The following FAM117A variants were observed in gnomAD, a reference collection of about 807,000 sequenced individuals.
The protein encoded by FAM117A is family with sequence similarity 117 member A, also known as protein FAM117A.
A neutral mutation model predicts 44.1 loss-of-function variants in FAM117A; 21 were observed. The observed-to-expected ratio is 0.48, with a 90% CI of 0.34 to 0.69. The LOEUF (loss-of-function observed/expected upper bound fraction) is 0.69. FAM117A is among the 30% of genes least tolerant of loss of function. The pLI, the probability that FAM117A is intolerant of heterozygous loss-of-function variation, is 0.01. For missense variants in FAM117A, 498 were observed against 589.9 expected, an observed-to-expected ratio of 0.84 and a Z score of 1.61; for synonymous variants, 220 against 238.3, an observed-to-expected ratio of 0.92 and a Z score of 0.71.
chr17:49,711,636 G>T, intron 7 of FAM117A, 81 bp from the exon 8 acceptor site: 2 of 1,349,606 alleles, frequency 1.5e-6, no homozygotes, highest in Non-Finnish European at 1.0e-6. Context: ...AGATGTCACA[G>T]CATCAAGGCA....
chr17:49,780,245 C>G (rs1205479941), intron 1 of FAM117A, among the ~76,000 whole-genome samples: 1 of 152,162 alleles, frequency 6.6e-6, no homozygotes, highest in Non-Finnish European at 1.5e-5. Context: ...TAAAAAGACC[C>G]ACATTTTACA....
intron 1 of FAM117A, among the ~76,000 whole-genome samples, chr17:49,752,381 G>T (rs1390961079): frequency 6.6e-6 from 1 of 152,178 alleles, no homozygotes; most frequent in Non-Finnish European, 1.5e-5. Flanking sequence ...CCCACTAGAA[G>T]TAGGGGGATG....
At chr17:49,741,939 C>T (rs2143753770) in intron 1 of FAM117A, among the ~76,000 whole-genome samples, 1 of 152,180 alleles carries the variant, frequency 6.6e-6, no homozygotes, top group African/African-American at 2.4e-5. Flanking sequence ...AGAAGCCCTC[C>T]TTGGAAAGCC....
intron 2 of FAM117A, among the ~76,000 whole-genome samples, chr17:49,723,296 G>A (rs896812035): frequency 7.2e-5 from 11 of 151,896 alleles, no homozygotes; most frequent in Non-Finnish European, 1.3e-4. Context: ...TTTTCCTCCC[G>A]GGCCTGCCCA....
chr17:49,757,222 G>A (rs1259971144), intron 1 of FAM117A, among the ~76,000 whole-genome samples: 1 of 152,102 alleles, frequency 6.6e-6, no homozygotes, highest in African/African-American at 2.4e-5. Flanking sequence ...GGGGGCTCCT[G>A]AGCAAATCCA....
intron 1 of FAM117A, among the ~76,000 whole-genome samples, chr17:49,777,209 G>A (rs1222811014): frequency 6.6e-6 from 1 of 152,290 alleles, no homozygotes; most frequent in Non-Finnish European, 1.5e-5. Flanking sequence ...TCAGGGTAGG[G>A]GTGGGGGAAT....
At chr17:49,781,805 C>T (rs967524416) in intron 1 of FAM117A, among the ~76,000 whole-genome samples, 9 of 151,824 alleles carry the variant, frequency 5.9e-5, no homozygotes, top group African/African-American at 7.3e-5. Context: ...AGTGAGACCC[C>T]GATCTCTACA....
intron 1 of FAM117A, 85 bp from the exon 2 acceptor site, chr17:49,732,805 G>T: frequency 7.0e-7 from 1 of 1,424,478 alleles, no homozygotes; most frequent in Non-Finnish European, 9.6e-7. Flanking sequence ...AAGAGATGTG[G>T]CCTGCCTGCC....
At chr17:49,712,000 G>A (rs1237837120) in intron 7 of FAM117A, among the ~76,000 whole-genome samples, 2 of 152,190 alleles carry the variant, frequency 1.3e-5, no homozygotes, top group Admixed American at 6.5e-5. Flanking sequence ...CAAAAAATTA[G>A]CCGGGTGTGG....
chr17:49,733,923 A>T (rs1381770204), intron 1 of FAM117A, among the ~76,000 whole-genome samples: 1 of 151,860 alleles, frequency 6.6e-6, no homozygotes, highest in Middle Eastern at 3.2e-3. Context: ...CAGGTGGATC[A>T]TGAGATCAGG....
intron 1 of FAM117A, 54 bp downstream of exon 1, chr17:49,763,827 CGCGGTCACGCG>C: frequency 6.5e-6 from 4 of 619,894 alleles, no homozygotes; most frequent in Non-Finnish European, 8.8e-6. Flanking sequence ...GTCCCCCTCC[CGCGGTCACGCG>C]CCCCCCCTCC....
upstream of FAM117A, among the ~76,000 whole-genome samples, chr17:49,766,556 T>G (rs1309112528): frequency 6.6e-6 from 1 of 152,244 alleles, no homozygotes; most frequent in Non-Finnish European, 1.5e-5. Context: ...TCTAGATCAT[T>G]GGTCCTGCCT....
At chr17:49,760,977 T>C (rs1001225950) in intron 1 of FAM117A, among the ~76,000 whole-genome samples, 5 of 152,250 alleles carry the variant, frequency 3.3e-5, no homozygotes, top group African/African-American at 7.2e-5. Flanking sequence ...TTCATAAAAA[T>C]GAAGCCATTC....
At chr17:49,720,101 G>A in intron 4 of FAM117A, 1 of 711,790 alleles carries the variant, frequency 1.4e-6, no homozygotes. Flanking sequence ...GTGCTGTAGA[G>A]TCATTGCCTC....
chr17:49,761,857 A>G (rs1430193014), intron 1 of FAM117A, among the ~76,000 whole-genome samples: 3 of 152,236 alleles, frequency 2.0e-5, no homozygotes, highest in South Asian at 2.1e-4. Context: ...CTCTCCTGCC[A>G]TACTGAAAAT....
At chr17:49,747,677 A>C in intron 1 of FAM117A, among the ~76,000 whole-genome samples, 1 of 152,154 alleles carries the variant, frequency 6.6e-6, no homozygotes, top group African/African-American at 2.4e-5. Flanking sequence ...TCATGCCCCC[A>C]GCTTCAAAAA....
intron 1 of FAM117A, among the ~76,000 whole-genome samples, chr17:49,760,917 C>G (rs1043266601): frequency 7.2e-5 from 11 of 152,188 alleles, no homozygotes; most frequent in African/African-American, 2.7e-4. Context: ...TTAGAGTTAT[C>G]TTTCATTTTT....
In FAM117A at chr17:49,763,950, G is replaced by A; in HGVS notation, c.138C>T (p.Ala46=). Residue 46 remains alanine (A), a synonymous_variant, in exon 1 of 8, where the codon GCC becomes GCT. Transcript: ENST00000240364. ...GCTGCTGCAGCTGGAAGGGGATCGT[G>A]GCCCTGAGCGGCTGCAGCCCAGCCC... The part of the protein sequence containing the change: ...SPRAGLQPLR[A]TIPFQLQQPH... The A allele has an allele frequency of 8.1e-7, 1 of 1,234,450 alleles. No individual in the cohort carries two copies. The highest frequency in any genetic ancestry group is 3.9e-5 in the South Asian group (1 of 25,344). The allele number at this position is 1,234,450 out of a possible 1,614,324, so 76.5% of individuals were successfully genotyped here.
chr17:49,721,420 A>G (rs1051452916), intron 3 of FAM117A, among the ~76,000 whole-genome samples: 6 of 152,218 alleles, frequency 3.9e-5, no homozygotes, highest in Admixed American at 1.3e-4. Context: ...CCAATTTGCT[A>G]TTGTGGGTCA....
Sources: gnomAD v4.1 joint callset for allele counts (sites outside exome capture counted in the v4.1 genomes callset) on GRCh38, gnomAD v4.1.1 for gene constraint, MANE v1.5 for transcripts, NCBI Gene and HGNC (gene_info 2026-07-23, HGNC 2026-07-21) for gene names.